FGD6: variants seen among roughly 807,000 people sequenced by gnomAD.
FGD6 encodes FYVE, RhoGEF and PH domain-containing protein 6.
Under a neutral mutation model 149.4 loss-of-function variants are expected in FGD6, and 90 were observed. The observed-to-expected ratio is 0.60, with a 90% CI of 0.51 to 0.72. The LOEUF is 0.72. Ranked by LOEUF, FGD6 falls within the 30% of genes least tolerant of loss-of-function variation. The probability of loss-of-function intolerance (pLI) is 0.00; values close to 1 mark genes in which losing one functional copy is unlikely to be tolerated. For synonymous variants in FGD6, 527 were observed against 584.0 expected (o/e 0.90, Z 1.41); for missense variants, 1,437 against 1,684.8 (o/e 0.85, Z 2.57).
chr12:95,092,647 C>T, intron 16 of FGD6, 52 bp downstream of exon 16: 1 of 1,580,536 alleles, frequency 6.3e-7, no homozygotes, highest in Non-Finnish European at 8.6e-7. Flanking sequence ...TCACTATGTA[C>T]AGCCTGGAGA....
intron 2 of FGD6, 98 bp downstream of exon 2, chr12:95,208,745 A>C: frequency 5.1e-6 from 7 of 1,380,666 alleles, no homozygotes; most frequent in Non-Finnish European, 6.8e-6. Flanking sequence ...CTATTCCTTC[A>C]ACCACGTGTT....
chr12:95,089,451 A>G, intron 18 of FGD6, 118 bp downstream of exon 18: 1 of 1,309,314 alleles, frequency 7.6e-7, no homozygotes, highest in South Asian at 1.5e-5. Flanking sequence ...CAGTATTAAA[A>G]TTCATGACTT....
At chr12:95,137,707 A>T in intron 6 of FGD6, 29 bp from the exon 7 acceptor site, 1 of 1,504,726 alleles carries the variant, frequency 6.6e-7, no homozygotes, top group Non-Finnish European at 8.9e-7. Flanking sequence ...TACACAAAAA[A>T]ATATAAAGAG....
At chr12:95,118,431 T>G (rs1292538176) in intron 8 of FGD6, among the ~76,000 whole-genome samples, 2 of 152,024 alleles carry the variant, frequency 1.3e-5, no homozygotes, top group Non-Finnish European at 2.9e-5. Flanking sequence ...AAGTTTTCTG[T>G]ATAAGGGTTC....
Position 95,209,081 on chromosome 12 carries a change from C to G in FGD6, c.2203G>C (p.Ala735Pro). ...AGGCTTGTAACAGACTTGTAAGGTG[C>G]CTGAGATGATGACTCCCGGGAGAGC... ...QMLSRESSSQ[A>P]PYKSVTSLCA... The change falls in exon 2 of 21, where the codon GCA becomes CCA. Residue 735 changes from alanine (A) to proline (P), a missense_variant. Coordinates refer to ENST00000343958, the MANE Select transcript of FGD6 (RefSeq NM_018351.4). 6.2e-7 allele frequency: 1 copy of G among 1,614,128 alleles called. No homozygotes were observed. The highest frequency in any genetic ancestry group is 1.1e-5 in the South Asian group (1 of 91,068).
intron 8 of FGD6, among the ~76,000 whole-genome samples, chr12:95,123,062 A>G (rs902038371): frequency 6.6e-6 from 1 of 151,686 alleles, no homozygotes; most frequent in African/African-American, 2.4e-5. Context: ...CAAAAAAAAA[A>G]AAAGCGATCT....
rs10859827 is a variant in FGD6 at position 95,086,536 on chromosome 12, C to T, written c.3979-628G>A. ...GCTTTTACTGATTGATTTTTTTTTT[C>T]TTTTTTTTTTTTTTTTTTTTTGAGA... On this transcript the variant is annotated intron_variant, in intron 18 of 20. Transcript: ENST00000343958. Among the ~76,000 whole-genome samples, 1,039 of 105,128 alleles carry T rather than the reference C, an allele frequency of 9.9e-3. 11 individuals are homozygous for T. Among genetic ancestry groups the T allele is most frequent in the African/African-American group, 0.024 (674 of 28,546 alleles). The allele number at this position is 105,128 out of a possible 152,430, so 69.0% of individuals were successfully genotyped here.
chr12:95,213,633 T>C (rs1435214888), intron 1 of FGD6, among the ~76,000 whole-genome samples: 8 of 152,184 alleles, frequency 5.3e-5, no homozygotes. Flanking sequence ...TTTAGGGTCA[T>C]TTAAATATCA....
At chr12:95,168,430 A>G (rs1880888689) in intron 3 of FGD6, among the ~76,000 whole-genome samples, 1 of 152,174 alleles carries the variant, frequency 6.6e-6, no homozygotes, top group Non-Finnish European at 1.5e-5. Context: ...TTGGGAGGCC[A>G]ATGTGGGCAG....
At chr12:95,084,945 T>C (rs1044454326) in intron 19 of FGD6, among the ~76,000 whole-genome samples, 2 of 152,200 alleles carry the variant, frequency 1.3e-5, no homozygotes, top group African/African-American at 2.4e-5. Context: ...TTTCATTTTA[T>C]GGATGCAGAA....
At chr12:95,192,714 G>A (rs1881626233) in intron 2 of FGD6, among the ~76,000 whole-genome samples, 1 of 152,194 alleles carries the variant, frequency 6.6e-6, no homozygotes, top group Non-Finnish European at 1.5e-5. Context: ...AGATTGGGAG[G>A]GGAGTGTATT....
Position 95,187,366 on chromosome 12 carries a change from T to C in FGD6, c.2442-14622A>G, listed in dbSNP as rs146517341. Among the ~76,000 whole-genome samples, 951 of 145,746 alleles carry C rather than the reference T, an allele frequency of 6.5e-3. 13 individuals are homozygous for C. The highest frequency in any genetic ancestry group is 0.024 in the African/African-American group (932 of 39,248). ...AAAACAAGTTACTTCAGGCTGGGCG[T>C]GGTGGCTCATGCCTGTAATCCCAAC... is the stretch of plus-strand genomic sequence containing the variant. On this transcript the variant is annotated intron_variant, in intron 2 of 20. Transcript: ENST00000343958.
In FGD6 at chr12:95,154,392, T is replaced by C. The variant is rs1349839072; in HGVS notation, c.2587-1399A>G. ...AGGTCTCAGTATTTAGGTGAATTTG[T>C]TGTTGTTGTTTTCAATAAAATATCG... On this transcript the variant is annotated intron_variant, in intron 3 of 20. Transcript: ENST00000343958. 3.9e-5 allele frequency among the ~76,000 whole-genome samples: 6 copies of C among 152,232 alleles called. No individual in the cohort carries two copies. The East Asian group carries it at 1.2e-3, about 29-fold the overall frequency.
chr12:95,138,804 T>C (rs1338641376), intron 6 of FGD6, among the ~76,000 whole-genome samples: 1 of 152,182 alleles, frequency 6.6e-6, no homozygotes, highest in Admixed American at 6.5e-5. Context: ...CACAGAGGGC[T>C]TTCCCTGACC....
intron 3 of FGD6, among the ~76,000 whole-genome samples, chr12:95,164,147 A>G (rs563463702): frequency 1.3e-5 from 2 of 152,350 alleles, no homozygotes; most frequent in Admixed American, 1.3e-4. Flanking sequence ...AATAAGTCAA[A>G]CAAATTCCAA....
chr12:95,190,397 T>G (rs1592870476), intron 2 of FGD6, among the ~76,000 whole-genome samples: 1 of 152,214 alleles, frequency 6.6e-6, no homozygotes, highest in East Asian at 1.9e-4. Flanking sequence ...TTCGAACTCC[T>G]GACCTCAGGT....
At chr12:95,200,414 T>C (rs549422044) in intron 2 of FGD6, among the ~76,000 whole-genome samples, 1 of 151,646 alleles carries the variant, frequency 6.6e-6, no homozygotes. Context: ...AATGGGAGAG[T>C]CTGGTAAACA....
At chr12:95,145,214 C>T (rs1879976442) in intron 5 of FGD6, among the ~76,000 whole-genome samples, 1 of 152,020 alleles carries the variant, frequency 6.6e-6, no homozygotes, top group Admixed American at 6.6e-5. Flanking sequence ...GTTTTGAACT[C>T]CTGGCCTCAA....
chr12:95,143,684 C>G (rs761583247), intron 5 of FGD6, among the ~76,000 whole-genome samples: 2 of 152,196 alleles, frequency 1.3e-5, no homozygotes, highest in Non-Finnish European at 2.9e-5. Flanking sequence ...CTCACATTTA[C>G]TAAGAGAAAA....
Sources: allele counts gnomAD v4.1 joint callset (sites outside exome capture counted in the v4.1 genomes callset), GRCh38; gene constraint gnomAD v4.1.1; transcripts MANE v1.5; gene names NCBI Gene and HGNC (gene_info 2026-07-23, HGNC 2026-07-21).